RHOA: variants seen among roughly 807,000 people sequenced by gnomAD.
The protein encoded by RHOA is transforming protein RhoA.
A neutral mutation model predicts 17.5 loss-of-function variants in RHOA; 3 were observed. The ratio of observed to expected loss-of-function variants is 0.17; its 90% CI spans 0.08 to 0.44. The LOEUF is 0.44. RHOA is among the 20% of genes least tolerant of loss of function. The pLI is 0.99. For synonymous variants in RHOA, 98 were observed against 88.4 expected, an observed-to-expected ratio of 1.11 and a Z score of -0.61; for missense variants, 56 against 242.3, an observed-to-expected ratio of 0.23 and a Z score of 5.10.
chr3:49,374,446 A>C (rs1291032615), intron 2 of RHOA, among the ~76,000 whole-genome samples: 2 of 150,744 alleles, frequency 1.3e-5, no homozygotes, highest in East Asian at 2.0e-4. Context: ...TGGCTGGGCA[A>C]GGTGGCTCAC....
Position 49,410,511 on chromosome 3 carries a change from A to G in RHOA, c.-3+1309T>C, listed in dbSNP as rs560372988. ...CCCCAAGAGCCATCAGTGCTCCACAAAAGTAGATGGAACCAATTAAGACAA... is the reference window on the plus strand; with the variant it reads ...CCCCAAGAGCCATCAGTGCTCCACAGAAGTAGATGGAACCAATTAAGACAA... On this transcript the variant is annotated intron_variant, in intron 1 of 4. Coordinates refer to ENST00000418115, the MANE Select transcript of RHOA (RefSeq NM_001664.4). Among the ~76,000 whole-genome samples the G allele has an allele frequency of 1.4e-4, 22 of 152,328 alleles. 1 individual carries two copies. Among genetic ancestry groups the G allele is most frequent in the African/African-American group, 5.3e-4 (22 of 41,574 alleles).
chr3:49,369,748 A>G (rs927185526), intron 2 of RHOA, among the ~76,000 whole-genome samples: 1 of 149,552 alleles, frequency 6.7e-6, no homozygotes, highest in African/African-American at 2.5e-5. Context: ...ATCTCTAAAA[A>G]AAAAAAAAAT....
At chr3:49,377,359 G>A (rs1238641043) in intron 1 of RHOA, among the ~76,000 whole-genome samples, 2 of 152,108 alleles carry the variant, frequency 1.3e-5, no homozygotes, top group African/African-American at 2.4e-5. Flanking sequence ...CTGGGAGGCC[G>A]AAACAGGTGG....
intron 1 of RHOA, among the ~76,000 whole-genome samples, chr3:49,389,591 C>T (rs900328566): frequency 7.9e-5 from 12 of 152,262 alleles, no homozygotes; most frequent in African/African-American, 2.9e-4. Flanking sequence ...CAGCAGTGAA[C>T]AGACTCAGGA....
At chr3:49,381,614 C>A (rs2107860959) in intron 1 of RHOA, among the ~76,000 whole-genome samples, 1 of 150,996 alleles carries the variant, frequency 6.6e-6, no homozygotes, top group African/African-American at 2.4e-5. Context: ...CGCCTGTAAT[C>A]CCAGCACTTT....
At chr3:49,405,866 G>A (rs1267243372) in intron 1 of RHOA, among the ~76,000 whole-genome samples, 3 of 152,036 alleles carry the variant, frequency 2.0e-5, no homozygotes, top group South Asian at 4.1e-4. Context: ...TGTATTTTTA[G>A]TAGAGATGGG....
chr3:49,378,032 C>T (rs899526325), intron 1 of RHOA, among the ~76,000 whole-genome samples: 13 of 150,996 alleles, frequency 8.6e-5, no homozygotes, highest in African/African-American at 2.7e-4. Flanking sequence ...ACCTGTAATC[C>T]CAGTTACTCG....
chr3:49,385,575 G>A (rs2048383736), intron 1 of RHOA, among the ~76,000 whole-genome samples: 1 of 151,962 alleles, frequency 6.6e-6, no homozygotes, highest in Non-Finnish European at 1.5e-5. Flanking sequence ...GCCCTTTGGG[G>A]CACAACGTTT....
At position 49,360,145 on chromosome 3, in the gene RHOA, A is replaced by T; in HGVS notation, c.*64T>A. On this transcript the variant is annotated 3_prime_UTR_variant, in exon 5 of 5. Coordinates refer to ENST00000418115, the MANE Select transcript of RHOA (RefSeq NM_001664.4). The stretch of plus-strand genomic sequence containing the variant: ...ATAAATGAAAAAGGCCAGTAATCAT[A>T]CACTAAGATTAATAAACAGCACTTC... 2.1e-6 allele frequency: 3 copies of T among 1,462,896 alleles called. No individual in the cohort carries two copies. Among genetic ancestry groups the T allele is most frequent in the Non-Finnish European group, 2.8e-6 (3 of 1,075,728 alleles). The allele number at this position is 1,462,896 out of a possible 1,614,324, so 90.6% of individuals were successfully genotyped here.
chr3:49,368,883 A>G (rs376433382), intron 2 of RHOA, among the ~76,000 whole-genome samples: 9 of 147,138 alleles, frequency 6.1e-5, no homozygotes, highest in Admixed American at 3.4e-4. Flanking sequence ...AATTTTTTGT[A>G]TTTTTAGTAG....
At position 49,404,011 on chromosome 3, in the gene RHOA, T is replaced by A. The variant is rs148836317; in HGVS notation, c.-3+7809A>T. Among the ~76,000 whole-genome samples the A allele has an allele frequency of 2.9e-3, 424 of 146,918 alleles. 4 individuals are homozygous for A. Among genetic ancestry groups the A allele is most frequent in the African/African-American group, 9.6e-3 (383 of 39,852 alleles). On this transcript the variant is annotated intron_variant, in intron 1 of 4. Transcript: ENST00000418115. ...AAACTGTAACCTGAATAGTGAAAGT[T>A]GAAGATAGCTGGACTCAGTGGCTCA...
intron 1 of RHOA, among the ~76,000 whole-genome samples, chr3:49,404,497 G>A (rs1453492110): frequency 7.2e-6 from 1 of 138,300 alleles, no homozygotes; most frequent in Non-Finnish European, 1.6e-5. Context: ...TGTAGTCCCA[G>A]CTACTTGGGA....
At chr3:49,391,777 C>T (rs942604604) in intron 1 of RHOA, among the ~76,000 whole-genome samples, 2 of 150,644 alleles carry the variant, frequency 1.3e-5, no homozygotes, top group African/African-American at 4.9e-5. Flanking sequence ...TCCCAAAGTG[C>T]TGGGATTACA....
chr3:49,372,686 A>G (rs2048164746), intron 2 of RHOA, among the ~76,000 whole-genome samples: 1 of 146,606 alleles, frequency 6.8e-6, no homozygotes, highest in African/African-American at 2.5e-5. Context: ...GTTAGCAGAG[A>G]TCACGCCACT....
intron 2 of RHOA, among the ~76,000 whole-genome samples, chr3:49,369,561 C>T (rs2048118331): frequency 6.7e-6 from 1 of 150,160 alleles, no homozygotes. Flanking sequence ...GGTGAAACCC[C>T]GTCCCTACTA....
At chr3:49,397,243 C>T (rs192707101) in intron 1 of RHOA, among the ~76,000 whole-genome samples, 10 of 151,560 alleles carry the variant, frequency 6.6e-5, no homozygotes, top group South Asian at 2.1e-4. Context: ...TTCCATTACA[C>T]GAAATATCCA....
In RHOA at chr3:49,405,928, A is replaced by G. The variant is rs559699489; in HGVS notation, c.-3+5892T>C. Among the ~76,000 whole-genome samples the G allele has an allele frequency of 2.7e-4, 41 of 152,210 alleles. 1 individual carries two copies. Among genetic ancestry groups the G allele is most frequent in the Non-Finnish European group, 2.1e-4 (14 of 67,998 alleles). On this transcript the variant is annotated intron_variant, in intron 1 of 4. Transcript: ENST00000418115. ...TCGAACTCCTGACCTCAGGTGACCC[A>G]CCCACCTCGGCCTCCCAAAGTGCTG...
At chr3:49,365,537 T>C (rs190146467) in intron 3 of RHOA, among the ~76,000 whole-genome samples, 26 of 151,964 alleles carry the variant, frequency 1.7e-4, no homozygotes, top group Non-Finnish European at 8.8e-5. Context: ...TTGAGGTACA[T>C]AGAATTTGAA....
intron 1 of RHOA, among the ~76,000 whole-genome samples, chr3:49,378,658 G>A (rs896993290): frequency 3.9e-5 from 6 of 152,048 alleles, no homozygotes; most frequent in Non-Finnish European, 7.4e-5. Flanking sequence ...GAATGCAGTG[G>A]TGCAATATTG....
Sources: gnomAD v4.1 joint callset for allele counts (sites outside exome capture counted in the v4.1 genomes callset) on GRCh38, gnomAD v4.1.1 for gene constraint, MANE v1.5 for transcripts, NCBI Gene and HGNC (gene_info 2026-07-23, HGNC 2026-07-21) for gene names.